CDKL3: variants seen among roughly 807,000 people sequenced by gnomAD.
CDKL3 encodes the protein cyclin-dependent kinase-like 3.
A neutral mutation model predicts 69.3 loss-of-function variants in CDKL3; 65 were observed. The observed-to-expected ratio is 0.94, with a 90% CI of 0.77 to 1.15. The LOEUF is 1.15. Ranked by LOEUF, CDKL3 falls within the 50% of genes most tolerant of loss-of-function variation. CDKL3 has a pLI of 0.00. For missense variants in CDKL3, 652 were observed against 689.2 expected, an observed-to-expected ratio of 0.95 and a Z score of 0.61; for synonymous variants, 202 against 221.6, an observed-to-expected ratio of 0.91 and a Z score of 0.79.
chr5:134,368,231 G>A (rs1455100592), upstream of CDKL3, among the ~76,000 whole-genome samples: 1 of 152,176 alleles, frequency 6.6e-6, no homozygotes, highest in Non-Finnish European at 1.5e-5. Context: ...AGCTTCTCAA[G>A]TTTTTTCTAT....
At chr5:134,371,224 G>C, upstream of CDKL3, 1 of 302,984 alleles carries the variant, frequency 3.3e-6, no homozygotes, top group South Asian at 3.3e-5. Context: ...GTGACGGGGA[G>C]GGAGACGGGA....
At chr5:134,347,720 A>AAG (rs1681401652) in intron 4 of CDKL3, among the ~76,000 whole-genome samples, 1 of 151,124 alleles carries the variant, frequency 6.6e-6, no homozygotes, top group African/African-American at 2.4e-5. Flanking sequence ...AAAAAAAAAA[A>AAG]AGAAATGAAG....
chr5:134,363,186 C>G (rs78497382), intron 2 of CDKL3, among the ~76,000 whole-genome samples: 1,875 of 152,260 alleles, frequency 0.012, 43 homozygotes, highest in African/African-American at 0.042. Context: ...ACACAATTGC[C>G]TTATCTATAG....
At chr5:134,290,264 G>T (rs2149403953) in intron 8 of CDKL3, among the ~76,000 whole-genome samples, 1 of 143,874 alleles carries the variant, frequency 7.0e-6, no homozygotes, top group East Asian at 2.2e-4. Flanking sequence ...TGAGGCAGGA[G>T]AATCTCTTGA....
At chr5:134,317,273 C>G (rs1324176592) in intron 6 of CDKL3, among the ~76,000 whole-genome samples, 1 of 151,992 alleles carries the variant, frequency 6.6e-6, no homozygotes, top group Non-Finnish European at 1.5e-5. Flanking sequence ...GTAGCTGGGA[C>G]TACAGGTGCA....
At chr5:134,285,951 G>A (rs182484011), downstream of CDKL3, among the ~76,000 whole-genome samples, 88 of 152,104 alleles carry the variant, frequency 5.8e-4, no homozygotes, top group African/African-American at 2.0e-3. Flanking sequence ...GTGAAACCCC[G>A]TCTCCACTAA....
chr5:134,353,609 T>C (rs184565346), intron 3 of CDKL3, among the ~76,000 whole-genome samples: 3 of 150,282 alleles, frequency 2.0e-5, no homozygotes, highest in African/African-American at 7.4e-5. Context: ...TGGAGTGCAG[T>C]GGCGCAATCT....
At chr5:134,324,360 A>C (rs1773559435) in intron 4 of CDKL3, among the ~76,000 whole-genome samples, 1 of 152,254 alleles carries the variant, frequency 6.6e-6, no homozygotes, top group Non-Finnish European at 1.5e-5. Flanking sequence ...CCAAGTGAGT[A>C]GAACACTTCT....
At position 134,321,876 on chromosome 5, in the gene CDKL3, A is replaced by G; in HGVS notation, c.567T>C (p.Cys189=). 1 of 1,611,390 alleles carries G rather than the reference A, an allele frequency of 6.2e-7. No homozygotes were observed. Among genetic ancestry groups the G allele is most frequent in the Non-Finnish European group, 8.5e-7 (1 of 1,177,668 alleles). ...TTCCAGTGGCCATCTCAATGATCAT[A>G]CAGCCCAAAGCCCAGATATCCACAG... ...GKPVDIWALG[C]MIIEMATGNP... The change falls in exon 5 of 13, where the codon TGT becomes TGC. Residue 189 remains cysteine, a synonymous_variant. Transcript: ENST00000265334.
In CDKL3 at chr5:134,308,377, C is replaced by A. The variant is rs771099687; in HGVS notation, c.1125G>T (p.Lys375Asn). Residue 375 changes from lysine (K) to asparagine (N), a missense_variant, in exon 9 of 13, where the codon AAG (lysine) becomes AAT (asparagine). Physicochemically the swap from Lys to Asn is moderately conservative, Grantham distance 94 (BLOSUM62 0). Transcript: ENST00000265334. ...GGRGDISEPK[K>N]KEYEGGLGQQ... ...GACCAAGTCCACCTTCATACTCTTT[C>A]TTTTTTGGTTCTGAGATATCTCCTC... 1.1e-5 allele frequency: 17 copies of A among 1,613,704 alleles called. No individual in the cohort carries two copies. Among genetic ancestry groups the A allele is most frequent in the Non-Finnish European group, 1.3e-5 (15 of 1,179,802 alleles).
At chr5:134,293,221 T>C (rs889306372) in intron 8 of CDKL3, among the ~76,000 whole-genome samples, 2 of 151,792 alleles carry the variant, frequency 1.3e-5, no homozygotes, top group Admixed American at 6.6e-5. Flanking sequence ...GGTTTCTCCA[T>C]GTTGGTCAGG....
At chr5:134,362,286 A>AAGGC (rs2149657565) in intron 2 of CDKL3, among the ~76,000 whole-genome samples, 1 of 152,294 alleles carries the variant, frequency 6.6e-6, no homozygotes, top group African/African-American at 2.4e-5. Flanking sequence ...TTGGTAGGCC[A>AAGGC]AGGCAGGCGG....
At chr5:134,315,054 A>G (rs1382729360) in intron 6 of CDKL3, among the ~76,000 whole-genome samples, 4 of 152,220 alleles carry the variant, frequency 2.6e-5, no homozygotes, top group Non-Finnish European at 5.9e-5. Context: ...GCCCTACATC[A>G]GATATCAAAG....
At chr5:134,297,063 T>C (rs1261061572), downstream of CDKL3, among the ~76,000 whole-genome samples, 3 of 151,076 alleles carry the variant, frequency 2.0e-5, no homozygotes, top group African/African-American at 7.3e-5. Context: ...GTGATTCTCC[T>C]GCCTCAGGCT....
chr5:134,371,501 C>CGGCGGCGAT (rs1290326947), upstream of CDKL3: 1 of 1,427,452 alleles, frequency 7.0e-7, no homozygotes, highest in African/African-American at 1.7e-5. Context: ...GCGGCGGCGG[C>CGGCGGCGAT]GGCGATCCAC....
rs749294109 is a variant in CDKL3 at position 134,360,040 on chromosome 5, T to C, written c.217A>G (p.Lys73Glu). 5 of 1,553,040 alleles carry C rather than the reference T, an allele frequency of 3.2e-6. No homozygotes were observed. In the East Asian group the frequency reaches 1.2e-4, roughly 37 times the overall value. Residue 73 changes from lysine to glutamate, a missense_variant, in exon 3 of 13, where the codon AAG (lysine) becomes GAG (glutamate). Lys to Glu is a moderately conservative substitution (Grantham distance 56). Transcript: ENST00000265334. The part of the protein sequence containing the change: ...VNLIEVFRQK[K>E]KIHLVFEFID... ...AATTCAAATACCAAATGAATTTTCT[T>C]TTTCTGTCTAAAAACTTCAATCAGA...
intron 8 of CDKL3, among the ~76,000 whole-genome samples, chr5:134,292,120 A>T (rs1255335763): frequency 6.6e-6 from 1 of 152,186 alleles, no homozygotes; most frequent in Non-Finnish European, 1.5e-5. Flanking sequence ...CCATCAACCA[A>T]CTTGACCTAA....
chr5:134,287,310 C>A (rs1352111463), intron 8 of CDKL3, among the ~76,000 whole-genome samples: 1 of 152,142 alleles, frequency 6.6e-6, no homozygotes, highest in Admixed American at 6.5e-5. Context: ...AAACAGAACC[C>A]TGACTCAATT....
chr5:134,311,202 G>A (rs1377611079), intron 7 of CDKL3, among the ~76,000 whole-genome samples: 1 of 152,128 alleles, frequency 6.6e-6, no homozygotes, highest in African/African-American at 2.4e-5. Flanking sequence ...TCATGGGTAG[G>A]ATACAACAAC....
Sources: gnomAD v4.1 joint callset for allele counts (sites outside exome capture counted in the v4.1 genomes callset) on GRCh38, gnomAD v4.1.1 for gene constraint, MANE v1.5 for transcripts, NCBI Gene and HGNC (gene_info 2026-07-23, HGNC 2026-07-21) for gene names.